Variants in YTHDC2 observed in about 807,000 individuals in gnomAD.
YTHDC2 encodes the protein YTH N6-methyladenosine RNA binding protein C2, also known as 3'-5' RNA helicase YTHDC2.
In YTHDC2, 45 loss-of-function variants were observed where a neutral mutation model predicts 174.9. That is an observed-to-expected ratio of 0.26 (90% CI 0.20 to 0.33). YTHDC2 has a LOEUF of 0.33. YTHDC2 is among the 10% of genes least tolerant of loss of function. The pLI, the probability that YTHDC2 is intolerant of heterozygous loss-of-function variation, is 1.00. For missense variants in YTHDC2, 1,650 were observed against 1,723.7 expected (o/e 0.96, Z 0.76); for synonymous variants, 657 against 574.5 (o/e 1.14, Z -2.05).
Position 113,592,026 on chromosome 5 carries a change from A to G in YTHDC2, c.4060A>G (p.Arg1354Gly). The G allele has an allele frequency of 6.2e-7, 1 of 1,609,846 alleles. No individual in the cohort carries two copies. The highest frequency in any genetic ancestry group is 8.5e-7 in the Non-Finnish European group (1 of 1,177,882). ...GFSRMSSEIGREKSQDWGSAG... is the reference protein window; with the variant it reads ...GFSRMSSEIGGEKSQDWGSAG... ...TTCTAGGATGTCTTCTGAGATTGGA[A>G]GGGAAAAGAGTCAGGACTGGGGCTC... is the stretch of plus-strand genomic sequence containing the variant. Residue 1354 changes from arginine (R) to glycine (G), a missense_variant, in exon 28 of 30, where the codon AGG becomes GGG. By Grantham distance (125) the Arg-to-Gly change is moderately radical (BLOSUM62 -2). This residue lies in a region of YTHDC2 where 913 missense variants were observed against 940.4 expected (regional missense o/e 0.97). Transcript: ENST00000161863.
chr5:113,533,147 C>A, intron 5 of YTHDC2, 102 bp downstream of exon 5: 1 of 1,328,164 alleles, frequency 7.5e-7, no homozygotes. Context: ...GTTAGGTGAT[C>A]ATTTTGCTCC....
At chr5:113,573,923 G>A (rs998675691) in intron 23 of YTHDC2, among the ~76,000 whole-genome samples, 11 of 152,092 alleles carry the variant, frequency 7.2e-5, no homozygotes, top group South Asian at 2.1e-4. Context: ...TTAGCTCAGC[G>A]AAGTTTGTTA....
rs1001380920 is a variant in YTHDC2 at position 113,526,701 on chromosome 5, G to T, written c.591G>T (p.Glu197Asp). ...TTAGGCAGTCTTTACCAGTGTTTGA[G>T]AAACAGGAAGAAATTGTTAAAATAA... Reference protein sequence around the residue: ...DSFRQSLPVFEKQEEIVKIIK... With the variant: ...DSFRQSLPVFDKQEEIVKIIK... The change falls in exon 4 of 30, where the codon GAG becomes GAT. Residue 197 changes from glutamate (E) to aspartate (D), a missense_variant. Around this residue, in one of 5 missense-constraint regions of YTHDC2, gnomAD observed 304 missense variants for 341.4 expected, o/e 0.89. Coordinates refer to ENST00000161863, the MANE Select transcript of YTHDC2 (RefSeq NM_022828.5). 6 of 1,582,834 alleles carry T rather than the reference G, an allele frequency of 3.8e-6. No individual in the cohort carries two copies. The highest frequency in any genetic ancestry group is 4.3e-6 in the Non-Finnish European group (5 of 1,163,444).
chr5:113,589,408 A>AATATATATATATAT (rs34243829), intron 26 of YTHDC2, among the ~76,000 whole-genome samples: 9 of 123,240 alleles, frequency 7.3e-5, no homozygotes, highest in African/African-American at 1.7e-4. Flanking sequence ...AAAAAAAAAA[A>AATATATATATATAT]ATATATATAT....
At chr5:113,553,468 TCTC>T (rs1191890409) in intron 13 of YTHDC2, 109 bp downstream of exon 13, 7 of 1,400,204 alleles carry the variant, frequency 5.0e-6, no homozygotes, top group South Asian at 1.4e-5. Flanking sequence ...AAGTGAATAA[TCTC>T]CTGTCATCTT....
intron 16 of YTHDC2, 102 bp from the exon 17 acceptor site, chr5:113,555,950 T>C (rs1776577040): frequency 1.6e-6 from 1 of 625,672 alleles, no homozygotes; most frequent in African/African-American, 1.9e-5. Flanking sequence ...GAGAGGACTT[T>C]GAATTAAACT....
chr5:113,570,817 ATT>A (rs146446605), intron 23 of YTHDC2, among the ~76,000 whole-genome samples: 5 of 151,350 alleles, frequency 3.3e-5, no homozygotes, highest in African/African-American at 7.3e-5. Context: ...TACTCCACTA[ATT>A]TTTTTTGTAT....
In YTHDC2 at chr5:113,532,979, G is replaced by A; in HGVS notation, c.776G>A (p.Arg259Lys). Reference protein sequence around the residue: ...RRLAAIAVAERVAAERRERIG... With the variant: ...RRLAAIAVAEKVAAERRERIG... ...TTGGCAGCTATCGCTGTGGCTGAAA[G>A]AGTTGCCGCAGAGAGACGGGAAAGG... Residue 259 changes from arginine to lysine, a missense_variant, in exon 5 of 30, where the codon AGA becomes AAA. Around this residue, in one of 5 missense-constraint regions of YTHDC2, gnomAD observed 304 missense variants for 341.4 expected, o/e 0.89. Coordinates refer to ENST00000161863, the MANE Select transcript of YTHDC2 (RefSeq NM_022828.5). 5.6e-6 allele frequency: 9 copies of A among 1,614,212 alleles called. No homozygotes were observed. Among genetic ancestry groups the A allele is most frequent in the Non-Finnish European group, 6.8e-6 (8 of 1,180,036 alleles).
intron 23 of YTHDC2, among the ~76,000 whole-genome samples, chr5:113,568,989 T>C (rs1777539145): frequency 6.6e-6 from 1 of 152,170 alleles, no homozygotes; most frequent in Non-Finnish European, 1.5e-5. Context: ...TACACAGTAG[T>C]GTAAAAGTGT....
At chr5:113,529,646 T>C (rs918658409) in intron 4 of YTHDC2, among the ~76,000 whole-genome samples, 5 of 152,134 alleles carry the variant, frequency 3.3e-5, no homozygotes, top group Non-Finnish European at 7.4e-5. Flanking sequence ...TTGCCTCTTA[T>C]CTGTTTATCT....
At chr5:113,558,935 AAAG>A (rs1776783175) in intron 17 of YTHDC2, among the ~76,000 whole-genome samples, 1 of 151,794 alleles carries the variant, frequency 6.6e-6, no homozygotes, top group Non-Finnish European at 1.5e-5. Flanking sequence ...AAAAAAAAAA[AAAG>A]AAAATCTAAG....
chr5:113,552,446 A>G (rs966441928), intron 12 of YTHDC2, among the ~76,000 whole-genome samples: 21 of 152,060 alleles, frequency 1.4e-4, no homozygotes, highest in Admixed American at 9.2e-4. Flanking sequence ...ATCATGTGAT[A>G]TGTGGTTTTT....
intron 21 of YTHDC2, 83 bp from the exon 22 acceptor site, chr5:113,567,009 T>G: frequency 5.7e-6 from 8 of 1,395,904 alleles, no homozygotes; most frequent in Non-Finnish European, 7.7e-6. Context: ...AAAATTTACA[T>G]GAGTTGTACA....
At chr5:113,592,707 A>G (rs1316197302) in intron 28 of YTHDC2, 1 of 152,446 alleles carries the variant, frequency 6.6e-6, no homozygotes. Context: ...ATCACCATGT[A>G]AAAAGTGTTT....
At chr5:113,584,966 G>A (rs1778598214) in intron 26 of YTHDC2, among the ~76,000 whole-genome samples, 1 of 151,070 alleles carries the variant, frequency 6.6e-6, no homozygotes, top group Non-Finnish European at 1.5e-5. Flanking sequence ...TTTTTTTATA[G>A]ATGGGGATCT....
At chr5:113,556,505 A>G (rs1206103171) in intron 17 of YTHDC2, 1 of 160,168 alleles carries the variant, frequency 6.2e-6, no homozygotes, top group Non-Finnish European at 1.4e-5. Flanking sequence ...CAAATAGGCA[A>G]TTTACCAAAA....
intron 23 of YTHDC2, among the ~76,000 whole-genome samples, chr5:113,578,284 C>T (rs755573996): frequency 6.6e-6 from 1 of 152,062 alleles, no homozygotes; most frequent in African/African-American, 2.4e-5. Context: ...TAACCCTGAA[C>T]TCCAAGGCTC....
At chr5:113,539,903 A>T (rs35526509) in intron 8 of YTHDC2, among the ~76,000 whole-genome samples, 44,276 of 151,744 alleles carry the variant, frequency 0.29, 7,912 homozygotes, top group African/African-American at 0.48. Flanking sequence ...AAAAAAAATT[A>T]AAAAAAAATT....
intron 3 of YTHDC2, 146 bp from the exon 4 acceptor site, chr5:113,526,440 A>G (rs1189972835): frequency 1.8e-6 from 1 of 546,606 alleles, no homozygotes; most frequent in Non-Finnish European, 3.1e-6. Flanking sequence ...TAGACTGAGT[A>G]GAGAAGAAAA....
Sources: gnomAD v4.1 joint callset for allele counts (sites outside exome capture counted in the v4.1 genomes callset) on GRCh38, gnomAD v4.1.1 for gene constraint, gnomAD v4.1.1 regional missense constraint, MANE v1.5 for transcripts, NCBI Gene and HGNC (gene_info 2026-07-23, HGNC 2026-07-21) for gene names.